The following PANK1 variants were observed in gnomAD, a reference collection of about 807,000 sequenced individuals.
PANK1 encodes pantothenic acid kinase 1.
A neutral mutation model predicts 40.1 loss-of-function variants in PANK1; 18 were observed. The ratio of observed to expected loss-of-function variants is 0.45; its 90% CI spans 0.31 to 0.67. PANK1 has a LOEUF of 0.67. PANK1 is among the 30% of genes least tolerant of loss of function. PANK1 has a pLI of 0.06. For synonymous variants in PANK1, 242 were observed against 237.7 expected (o/e 1.02, Z -0.17); for missense variants, 457 against 599.6 (o/e 0.76, Z 2.48).
intron 2 of PANK1, among the ~76,000 whole-genome samples, chr10:89,609,872 A>G (rs1845099088): frequency 6.6e-6 from 1 of 152,226 alleles, no homozygotes; most frequent in African/African-American, 2.4e-5. Context: ...ACTTTCTCCC[A>G]GGGTATACGT....
intron 1 of PANK1, among the ~76,000 whole-genome samples, chr10:89,630,706 A>G (rs571929350): frequency 3.3e-5 from 5 of 152,212 alleles, no homozygotes; most frequent in Non-Finnish European, 4.4e-5. Context: ...GTTAGCCAGG[A>G]TGGTCTCGAT....
At chr10:89,598,640 C>G (rs1408471182) in intron 3 of PANK1, among the ~76,000 whole-genome samples, 1 of 152,186 alleles carries the variant, frequency 6.6e-6, no homozygotes, top group Non-Finnish European at 1.5e-5. Context: ...AGCTGAGCCC[C>G]TTGGCTCTTA....
intron 1 of PANK1, 110 bp from the exon 2 acceptor site, chr10:89,612,158 T>G (rs1845177482): frequency 1.1e-6 from 1 of 871,102 alleles, no homozygotes; most frequent in East Asian, 2.6e-5. Context: ...CATGTGCATT[T>G]AACATTCAAT....
intron 1 of PANK1, among the ~76,000 whole-genome samples, chr10:89,618,774 C>A (rs1845393980): frequency 6.6e-6 from 1 of 152,218 alleles, no homozygotes; most frequent in Admixed American, 6.5e-5. Context: ...TGAGACCCTT[C>A]CAGATTCTTT....
chr10:89,641,740 TA>T (rs1841974534), intron 1 of PANK1, among the ~76,000 whole-genome samples: 1 of 79,328 alleles, frequency 1.3e-5, no homozygotes, highest in African/African-American at 4.5e-5. Flanking sequence ...TCAAAATAAA[TA>T]AATAAATAAA....
chr10:89,607,003 T>A lies in PANK1; in HGVS notation c.645+4693A>T, dbSNP rs56324470. Among the ~76,000 whole-genome samples, 379 of 152,366 alleles carry A rather than the reference T, an allele frequency of 2.5e-3. 2 individuals are homozygous for A. Among genetic ancestry groups the A allele is most frequent in the African/African-American group, 8.8e-3 (368 of 41,594 alleles). On this transcript the variant is annotated intron_variant, in intron 2 of 6. Coordinates refer to ENST00000307534, the MANE Select transcript of PANK1 (RefSeq NM_148977.3). ...AAATCTGTTTTTCTCTCTTATTATT[T>A]GTGTGTTCACTGGAGTAGCACTTTT...
chr10:89,595,833 A>AATATATATAT (rs369831755), intron 3 of PANK1, among the ~76,000 whole-genome samples: 40 of 33,748 alleles, frequency 1.2e-3, no homozygotes, highest in East Asian at 1.7e-3. Context: ...AAAAAAAAAA[A>AATATATATAT]ATATATATAT....
intron 1 of PANK1, among the ~76,000 whole-genome samples, chr10:89,643,506 G>A (rs1319575562): frequency 1.3e-5 from 2 of 152,108 alleles, no homozygotes; most frequent in African/African-American, 4.8e-5. Context: ...GGCTTTCCAA[G>A]GTCTTAGAAA....
intron 3 of PANK1, among the ~76,000 whole-genome samples, chr10:89,595,828 AAAAAAATATATATATATAT>A (rs1305665880): frequency 4.5e-5 from 3 of 67,142 alleles, no homozygotes; most frequent in Admixed American, 4.1e-4. Flanking sequence ...AAAAAAAAAA[AAAAAAATATATATATATAT>A]ATATATATAT....
chr10:89,603,978 T>A (rs1844864411), intron 2 of PANK1, among the ~76,000 whole-genome samples: 1 of 152,230 alleles, frequency 6.6e-6, no homozygotes, highest in Admixed American at 6.5e-5. Flanking sequence ...GTTTAGACAT[T>A]CCACAGATTC....
downstream of PANK1, chr10:89,580,506 C>T (rs1844032808): frequency 6.6e-6 from 1 of 152,200 alleles, no homozygotes; most frequent in Non-Finnish European, 1.5e-5. Flanking sequence ...CAAAGAGCTT[C>T]CAGTCCCTGA....
chr10:89,611,607 G>A, intron 2 of PANK1, 89 bp downstream of exon 2: 2 of 930,978 alleles, frequency 2.1e-6, no homozygotes, highest in Non-Finnish European at 3.3e-6. Flanking sequence ...AGAGTCCCAA[G>A]GCTAGTAGTA....
At chr10:89,588,832 C>G in intron 5 of PANK1, 55 bp from the exon 6 acceptor site, 1 of 1,340,420 alleles carries the variant, frequency 7.5e-7, no homozygotes, top group Non-Finnish European at 1.0e-6. Context: ...TAGCATTTGG[C>G]AAAGACCCAA....
rs558045625 is a variant in PANK1, at chr10:89,617,212, T to C, written c.293-5164A>G. On this transcript the variant is annotated intron_variant, in intron 1 of 6. Coordinates refer to ENST00000307534, the MANE Select transcript of PANK1 (RefSeq NM_148977.3). ...TGTTACTGCAAAAGAACCTGGCCTA[T>C]TCCAACTGATAAAGTGAAGTGCTGC... Among the ~76,000 whole-genome samples, 3 of 152,366 alleles carry C rather than the reference T, an allele frequency of 2.0e-5. No individual in the cohort carries two copies. The South Asian group carries it at 6.2e-4, about 32-fold the overall frequency.
chr10:89,598,207 C>CG (rs1844668503), intron 3 of PANK1, among the ~76,000 whole-genome samples: 1 of 152,236 alleles, frequency 6.6e-6, no homozygotes, highest in African/African-American at 2.4e-5. Flanking sequence ...TTCCCCTCTT[C>CG]AGTGGGGAAC....
chr10:89,644,686 G>T lies in PANK1; in HGVS notation c.206C>A (p.Pro69Gln), dbSNP rs371620126. The T allele has an allele frequency of 3.4e-4, 537 of 1,556,536 alleles. 3 individuals carry two copies. The African/African-American group carries it at 6.2e-3, about 18-fold the overall frequency. Reference protein sequence around the residue: ...QRLPLLPELQPQPLLPQHDSP... With the variant: ...QRLPLLPELQQQPLLPQHDSP... ...GTCATGCTGAGGGAGCAGTGGCTGC[G>T]GCTGCAGCTCCGGCAGGAGCGGGAG... The change falls in exon 1 of 7, where the codon CCG becomes CAG. Residue 69 changes from proline (P) to glutamine (Q), a missense_variant. Coordinates refer to ENST00000307534, the MANE Select transcript of PANK1 (RefSeq NM_148977.3).
At chr10:89,581,633 C>T (rs1016023358), downstream of PANK1, 1 of 152,300 alleles carries the variant, frequency 6.6e-6, no homozygotes, top group African/African-American at 2.4e-5. Flanking sequence ...CCAGGATGGT[C>T]TCGATCTCCT....
chr10:89,607,302 G>C (rs1050039973), intron 2 of PANK1, among the ~76,000 whole-genome samples: 1 of 152,134 alleles, frequency 6.6e-6, no homozygotes, highest in Admixed American at 6.5e-5. Context: ...GAGAGATGGG[G>C]GGACAGCCTG....
intron 1 of PANK1, among the ~76,000 whole-genome samples, chr10:89,623,779 A>G (rs1845577487): frequency 6.6e-6 from 1 of 152,190 alleles, no homozygotes; most frequent in African/African-American, 2.4e-5. Context: ...ACTGAACGCA[A>G]GCCATCAAGA....
Sources: allele counts gnomAD v4.1 joint callset (sites outside exome capture counted in the v4.1 genomes callset), GRCh38; gene constraint gnomAD v4.1.1; transcripts MANE v1.5; gene names NCBI Gene and HGNC (gene_info 2026-07-23, HGNC 2026-07-21).